Variants in CEP85L observed in about 807,000 individuals in gnomAD.
CEP85L encodes centrosomal protein 85L.
A neutral mutation model predicts 100.3 loss-of-function variants in CEP85L; 60 were observed. The ratio of observed to expected loss-of-function variants is 0.60; its 90% CI spans 0.49 to 0.74. The LOEUF is 0.74. Among genes scored for constraint, CEP85L ranks in the 30% least tolerant of loss-of-function variants. CEP85L has a pLI of 0.00. For synonymous variants in CEP85L, 319 were observed against 322.7 expected, an observed-to-expected ratio of 0.99 and a Z score of 0.12; for missense variants, 973 against 936.2, an observed-to-expected ratio of 1.04 and a Z score of -0.51.
intron 2 of CEP85L, among the ~76,000 whole-genome samples, chr6:118,603,927 G>A (rs911757623): frequency 6.6e-6 from 1 of 152,196 alleles, no homozygotes; most frequent in African/African-American, 2.4e-5. Context: ...AGTAGATAAG[G>A]AAATTTGGTT....
chr6:118,581,557 G>T (rs1288504196), intron 2 of CEP85L, among the ~76,000 whole-genome samples: 4 of 152,134 alleles, frequency 2.6e-5, no homozygotes, highest in Admixed American at 2.6e-4. Context: ...CCATGGCTTG[G>T]AGGGTCACAC....
intron 4 of CEP85L, among the ~76,000 whole-genome samples, chr6:118,523,481 G>A (rs989899951): frequency 2.6e-5 from 4 of 152,186 alleles, no homozygotes; most frequent in Non-Finnish European, 4.4e-5. Flanking sequence ...GTTAAAACAC[G>A]AAGACATTAT....
At chr6:118,693,868 A>C (rs141965117) in intron 1 of CEP85L, among the ~76,000 whole-genome samples, 2 of 152,318 alleles carry the variant, frequency 1.3e-5, no homozygotes, top group African/African-American at 4.8e-5. Context: ...ATGTTTGCAA[A>C]ATTAGCCCCC....
At chr6:118,608,224 G>A (rs1252990937) in intron 2 of CEP85L, among the ~76,000 whole-genome samples, 1 of 151,932 alleles carries the variant, frequency 6.6e-6, no homozygotes, top group Non-Finnish European at 1.5e-5. Flanking sequence ...TGCTGGGCAC[G>A]GTGGCTCACA....
At chr6:118,602,714 T>G (rs1291282807) in intron 2 of CEP85L, among the ~76,000 whole-genome samples, 1 of 152,260 alleles carries the variant, frequency 6.6e-6, no homozygotes, top group Non-Finnish European at 1.5e-5. Flanking sequence ...TTATAAAACT[T>G]GGCCTGATTA....
chr6:118,550,837 AAATTC>A (rs1778497751), intron 3 of CEP85L, among the ~76,000 whole-genome samples: 1 of 151,946 alleles, frequency 6.6e-6, no homozygotes, highest in Admixed American at 6.6e-5. Context: ...CACTCCATTT[AAATTC>A]AATTTATGCA....
At chr6:118,467,776 T>C (rs1772640323) in intron 12 of CEP85L, among the ~76,000 whole-genome samples, 2 of 152,190 alleles carry the variant, frequency 1.3e-5, no homozygotes, top group African/African-American at 4.8e-5. Flanking sequence ...CCAAGAGATA[T>C]TAAAGCACTC....
At chr6:118,651,753 T>A, upstream of CEP85L, 1 of 986,428 alleles carries the variant, frequency 1.0e-6, no homozygotes, top group Non-Finnish European at 1.2e-6. Context: ...TTCGCCTCCT[T>A]GGCGGCGACT....
intron 2 of CEP85L, among the ~76,000 whole-genome samples, chr6:118,571,145 T>C (rs1023897151): frequency 4.6e-5 from 7 of 152,174 alleles, no homozygotes; most frequent in African/African-American, 1.7e-4. Flanking sequence ...TTTAACAATT[T>C]CAACACTTAA....
intron 1 of CEP85L, among the ~76,000 whole-genome samples, chr6:118,704,153 G>A (rs1030270325): frequency 2.6e-5 from 4 of 152,158 alleles, no homozygotes; most frequent in Non-Finnish European, 5.9e-5. Context: ...ATACCTATCT[G>A]TAATTATTGA....
At chr6:118,535,291 T>C (rs1237557197) in intron 3 of CEP85L, among the ~76,000 whole-genome samples, 3 of 152,168 alleles carry the variant, frequency 2.0e-5, no homozygotes, top group African/African-American at 7.2e-5. Flanking sequence ...ACTCAAAGGC[T>C]ATCAACTATC....
At chr6:118,498,046 G>C (rs1775031898) in intron 5 of CEP85L, among the ~76,000 whole-genome samples, 1 of 152,182 alleles carries the variant, frequency 6.6e-6, no homozygotes, top group African/African-American at 2.4e-5. Flanking sequence ...TTATCATAAG[G>C]TACACTTCAT....
chr6:118,634,687 A>G (rs1282146521), intron 1 of CEP85L, among the ~76,000 whole-genome samples: 6 of 152,004 alleles, frequency 3.9e-5, no homozygotes, highest in Non-Finnish European at 1.5e-5. Context: ...CACCAGATCT[A>G]TTCTAATTCT....
intron 1 of CEP85L, among the ~76,000 whole-genome samples, chr6:118,676,681 C>T (rs1202066358): frequency 1.3e-5 from 2 of 152,150 alleles, no homozygotes; most frequent in Non-Finnish European, 2.9e-5. Context: ...ATATAGATTT[C>T]AAGTCCTTTG....
chr6:118,534,831 C>A (rs929332368), intron 3 of CEP85L, among the ~76,000 whole-genome samples: 7 of 151,856 alleles, frequency 4.6e-5, no homozygotes, highest in African/African-American at 1.7e-4. Flanking sequence ...ACCAGCCTAG[C>A]CAACACGGTG....
chr6:118,534,039 G>A (rs1330899887), intron 3 of CEP85L, among the ~76,000 whole-genome samples: 7 of 151,808 alleles, frequency 4.6e-5, no homozygotes. Flanking sequence ...AGGTTACAGT[G>A]AGCTGAGATC....
intron 3 of CEP85L, among the ~76,000 whole-genome samples, chr6:118,531,738 G>A (rs1777304242): frequency 1.3e-5 from 2 of 152,018 alleles, no homozygotes; most frequent in South Asian, 4.1e-4. Context: ...CATACATGCG[G>A]CCAGCAAGCA....
At chr6:118,479,398 T>C (rs1582873796) in intron 10 of CEP85L, among the ~76,000 whole-genome samples, 1 of 152,278 alleles carries the variant, frequency 6.6e-6, no homozygotes, top group African/African-American at 2.4e-5. Context: ...TCTTAGAGCA[T>C]GCCAGGTACA....
intron 2 of CEP85L, among the ~76,000 whole-genome samples, chr6:118,571,630 T>C (rs1182674718): frequency 1.3e-5 from 2 of 152,042 alleles, no homozygotes; most frequent in Non-Finnish European, 2.9e-5. Flanking sequence ...CTGATAGTAA[T>C]AAGGAATTAA....
Sources: gnomAD v4.1 joint callset for allele counts (sites outside exome capture counted in the v4.1 genomes callset) on GRCh38, gnomAD v4.1.1 for gene constraint, MANE v1.5 for transcripts, NCBI Gene and HGNC (gene_info 2026-07-23, HGNC 2026-07-21) for gene names.